The following SLC39A14 variants were observed in gnomAD, a reference collection of about 807,000 sequenced individuals.
SLC39A14 encodes the protein solute carrier family 39 member 14, also known as metal cation symporter ZIP14.
SLC39A14 carries 19 observed loss-of-function variants against 45.5 expected under a neutral mutation model. The observed-to-expected ratio is 0.42, with a 90% CI of 0.29 to 0.61. SLC39A14 has a LOEUF of 0.61. Among genes scored for constraint, SLC39A14 ranks in the 20% least tolerant of loss-of-function variants. The pLI is 0.22. For missense variants in SLC39A14, 447 were observed against 616.5 expected, an observed-to-expected ratio of 0.73 and a Z score of 2.91; for synonymous variants, 264 against 251.3, an observed-to-expected ratio of 1.05 and a Z score of -0.48.
At chr8:22,409,838 T>A (rs1835462081) in intron 3 of SLC39A14, 1 of 1,108,642 alleles carries the variant, frequency 9.0e-7, no homozygotes, top group African/African-American at 1.6e-5. Flanking sequence ...GGTTGGTGGA[T>A]CTCAGTCTGC....
intron 8 of SLC39A14, among the ~76,000 whole-genome samples, chr8:22,432,645 ATTT>A (rs35981745): frequency 9.6e-5 from 11 of 114,050 alleles, no homozygotes; most frequent in Admixed American, 1.9e-4. Flanking sequence ...TGCCCGGCTA[ATTT>A]TTTTTTTTTT....
chr8:22,426,134 C>T (rs374879792), downstream of SLC39A14, among the ~76,000 whole-genome samples: 3 of 152,080 alleles, frequency 2.0e-5, no homozygotes, highest in Non-Finnish European at 4.4e-5. Flanking sequence ...TCAGGTGATC[C>T]GCCCACCCTG....
chr8:22,371,696 G>A (rs1359422279), intron 1 of SLC39A14, among the ~76,000 whole-genome samples: 6 of 150,484 alleles, frequency 4.0e-5, no homozygotes, highest in Non-Finnish European at 7.4e-5. Flanking sequence ...CTCCCAAAGT[G>A]CTGGGATTAC....
At chr8:22,403,722 G>A (rs942812197) in intron 1 of SLC39A14, among the ~76,000 whole-genome samples, 3 of 150,666 alleles carry the variant, frequency 2.0e-5, no homozygotes, top group Non-Finnish European at 4.4e-5. Flanking sequence ...AGTTTGAGAC[G>A]AGCGGGCAAA....
downstream of SLC39A14, among the ~76,000 whole-genome samples, chr8:22,423,137 T>C (rs184612759): frequency 1.6e-4 from 24 of 151,756 alleles, no homozygotes; most frequent in Middle Eastern, 6.8e-3. Flanking sequence ...AAGGAAACTT[T>C]TGTACTCTCT....
chr8:22,382,399 A>G (rs1833562154), intron 1 of SLC39A14, among the ~76,000 whole-genome samples: 1 of 152,284 alleles, frequency 6.6e-6, no homozygotes, highest in South Asian at 2.1e-4. Context: ...GGTCAGGCAC[A>G]GTGGTATGTG....
chr8:22,415,109 G>C, intron 5 of SLC39A14: 1 of 569,092 alleles, frequency 1.8e-6, no homozygotes, highest in Non-Finnish European at 3.0e-6. Context: ...GATCTGGCCA[G>C]GGTGCCTTCT....
intron 1 of SLC39A14, among the ~76,000 whole-genome samples, chr8:22,394,661 G>A (rs763807993): frequency 2.6e-5 from 4 of 152,060 alleles, no homozygotes; most frequent in African/African-American, 4.8e-5. Context: ...AATGCTCACC[G>A]TCAGTCCTCT....
chr8:22,391,699 A>G (rs925077160), intron 1 of SLC39A14, among the ~76,000 whole-genome samples: 21 of 152,160 alleles, frequency 1.4e-4, no homozygotes, highest in African/African-American at 4.6e-4. Flanking sequence ...CCTCCCGAGT[A>G]GCTGGGGTTA....
chr8:22,372,084 C>T (rs1832971202), intron 1 of SLC39A14, among the ~76,000 whole-genome samples: 1 of 152,108 alleles, frequency 6.6e-6, no homozygotes, highest in African/African-American at 2.4e-5. Flanking sequence ...TTTTTATTCA[C>T]CAAAACTTTG....
Position 22,404,774 on chromosome 8 carries a change from T to C in SLC39A14, c.64T>C (p.Trp22Arg), listed in dbSNP as rs751325399. 4 of 1,613,436 alleles carry C rather than the reference T, an allele frequency of 2.5e-6. No individual in the cohort carries two copies. The highest frequency in any genetic ancestry group is 1.7e-5 in the Admixed American group (1 of 60,008). ...CCTCCTGCTGACCCTGCTTGGCTTA[T>C]GGAGAACCACCCCTGAGGCTCACGC... ...SCLLLTLLGL[W>R]RTTPEAHASS... The change falls in exon 2 of 9, where the codon TGG becomes CGG. Residue 22 changes from tryptophan (W) to arginine (R), a missense_variant. By Grantham distance (101) the Trp-to-Arg change is moderately radical. This residue lies in a region of SLC39A14 where 342 missense variants were observed against 428.1 expected (regional missense o/e 0.80). Coordinates refer to ENST00000381237, the MANE Select transcript of SLC39A14 (RefSeq NM_001128431.4).
chr8:22,400,638 C>G lies in SLC39A14; in HGVS notation c.-15-4058C>G, dbSNP rs148627750. ...TACAAACCGTCGTTGTGGCTGATGC[C>G]GAATCCATCCATGTGGACTCAAAAG... is the stretch of plus-strand genomic sequence containing the variant. On this transcript the variant is annotated intron_variant, in intron 1 of 8. Coordinates refer to ENST00000381237, the MANE Select transcript of SLC39A14 (RefSeq NM_001128431.4). Among the ~76,000 whole-genome samples the G allele has an allele frequency of 6.8e-3, 1,033 of 152,260 alleles. 10 individuals carry two copies. The highest frequency in any genetic ancestry group is 0.024 in the African/African-American group (994 of 41,550).
chr8:22,395,344 C>T (rs1355901017), intron 1 of SLC39A14, among the ~76,000 whole-genome samples: 2 of 152,174 alleles, frequency 1.3e-5, no homozygotes, highest in African/African-American at 4.8e-5. Context: ...ACGAGTTATC[C>T]TTTTGTTAGT....
intron 2 of SLC39A14, among the ~76,000 whole-genome samples, chr8:22,406,756 T>A (rs1835239324): frequency 6.6e-6 from 1 of 151,948 alleles, no homozygotes; most frequent in South Asian, 2.1e-4. Context: ...CCTGAGCACA[T>A]CAGATGCTGA....
chr8:22,392,223 C>A (rs1425555400), intron 1 of SLC39A14, among the ~76,000 whole-genome samples: 1 of 152,074 alleles, frequency 6.6e-6, no homozygotes, highest in Non-Finnish European at 1.5e-5. Context: ...TCCTGAGAAC[C>A]CAGAAGATGG....
At chr8:22,373,602 T>A (rs2132160939) in intron 1 of SLC39A14, among the ~76,000 whole-genome samples, 1 of 152,226 alleles carries the variant, frequency 6.6e-6, no homozygotes. Context: ...GCTTTTAATT[T>A]TTGTATATTA....
At chr8:22,392,651 C>T (rs913547700) in intron 1 of SLC39A14, among the ~76,000 whole-genome samples, 8 of 152,190 alleles carry the variant, frequency 5.3e-5, no homozygotes, top group Non-Finnish European at 1.2e-4. Flanking sequence ...GCCCTGGCCT[C>T]GGGTGGGGAA....
At chr8:22,409,722 G>A (rs10596842) in intron 3 of SLC39A14, among the ~76,000 whole-genome samples, 3,977 of 152,190 alleles carry the variant, frequency 0.026, 171 homozygotes, top group African/African-American at 0.091. Context: ...GTTTGCATCC[G>A]TCTCTCCATG....
intron 1 of SLC39A14, among the ~76,000 whole-genome samples, chr8:22,403,015 C>T (rs758036632): frequency 2.6e-5 from 4 of 152,068 alleles, no homozygotes; most frequent in African/African-American, 4.8e-5. Flanking sequence ...CTCGCTCTGC[C>T]GCCCAGGCTG....
Sources: gnomAD v4.1 joint callset for allele counts (sites outside exome capture counted in the v4.1 genomes callset) on GRCh38, gnomAD v4.1.1 for gene constraint, gnomAD v4.1.1 regional missense constraint, MANE v1.5 for transcripts, NCBI Gene and HGNC (gene_info 2026-07-23, HGNC 2026-07-21) for gene names.